Variants in SLC9A9 observed in about 807,000 individuals in gnomAD.
SLC9A9 encodes the protein sodium/hydrogen exchanger 9.
Under a neutral mutation model 77.8 loss-of-function variants are expected in SLC9A9, and 62 were observed. That is an observed-to-expected ratio of 0.80 (90% CI 0.65 to 0.98). The LOEUF (loss-of-function observed/expected upper bound fraction) is 0.98. Among genes scored for constraint, SLC9A9 ranks in the 50% least tolerant of loss-of-function variants. The pLI, the probability that SLC9A9 is intolerant of heterozygous loss-of-function variation, is 0.00. For missense variants in SLC9A9, 775 were observed against 774.9 expected (o/e 1.00, Z 0.00); for synonymous variants, 320 against 283.5 (o/e 1.13, Z -1.29).
At chr3:143,604,660 C>A (rs900687535) in intron 6 of SLC9A9, among the ~76,000 whole-genome samples, 18 of 152,126 alleles carry the variant, frequency 1.2e-4, no homozygotes, top group Admixed American at 9.2e-4. Flanking sequence ...AATTAATATG[C>A]CTCCGAGTAT....
intron 9 of SLC9A9, among the ~76,000 whole-genome samples, chr3:143,551,511 T>C (rs1047434970): frequency 6.6e-6 from 1 of 152,204 alleles, no homozygotes; most frequent in Non-Finnish European, 1.5e-5. Context: ...TGGCCTCAAA[T>C]GCCCTTGTGG....
chr3:143,578,321 G>T (rs889593202), intron 7 of SLC9A9, among the ~76,000 whole-genome samples: 4 of 152,096 alleles, frequency 2.6e-5, no homozygotes, highest in African/African-American at 9.7e-5. Flanking sequence ...TTTATTTAAG[G>T]CTGTTGATGT....
At chr3:143,580,654 G>C (rs567880607) in intron 6 of SLC9A9, among the ~76,000 whole-genome samples, 13 of 152,302 alleles carry the variant, frequency 8.5e-5, no homozygotes, top group African/African-American at 3.1e-4. Flanking sequence ...AAGTTCACCT[G>C]TATGTCACCT....
At chr3:143,438,489 C>A (rs548092843) in intron 12 of SLC9A9, among the ~76,000 whole-genome samples, 2 of 152,058 alleles carry the variant, frequency 1.3e-5, no homozygotes, top group Non-Finnish European at 2.9e-5. Flanking sequence ...GTGGGGGAAG[C>A]CTTCTCCCCA....
chr3:143,527,061 C>A (rs2036419607), intron 9 of SLC9A9, among the ~76,000 whole-genome samples: 2 of 152,174 alleles, frequency 1.3e-5, no homozygotes, highest in Admixed American at 6.5e-5. Flanking sequence ...TTCTGAAACA[C>A]CCTCTATGCA....
At chr3:143,749,451 T>C (rs1374012731) in intron 4 of SLC9A9, among the ~76,000 whole-genome samples, 1 of 152,198 alleles carries the variant, frequency 6.6e-6, no homozygotes, top group Non-Finnish European at 1.5e-5. Context: ...TCTGGATACT[T>C]GGTTGAAATT....
At chr3:143,506,827 G>A (rs2036026335) in intron 9 of SLC9A9, among the ~76,000 whole-genome samples, 3 of 151,858 alleles carry the variant, frequency 2.0e-5, no homozygotes, top group Admixed American at 2.0e-4. Context: ...GTTTCTCTGT[G>A]GTTTTGCCAA....
At chr3:143,478,811 G>A (rs534505214) in intron 11 of SLC9A9, among the ~76,000 whole-genome samples, 4 of 152,280 alleles carry the variant, frequency 2.6e-5, no homozygotes, top group East Asian at 3.9e-4. Context: ...CTAAGGTTTC[G>A]TCTACCCAAT....
chr3:143,501,878 T>C (rs1189319336), intron 9 of SLC9A9, among the ~76,000 whole-genome samples: 1 of 150,800 alleles, frequency 6.6e-6, no homozygotes, highest in Non-Finnish European at 1.5e-5. Context: ...GGAGAATCTA[T>C]ACAGCAAGGC....
At chr3:143,373,593 C>T (rs1308197693) in intron 13 of SLC9A9, among the ~76,000 whole-genome samples, 1 of 120,238 alleles carries the variant, frequency 8.3e-6, no homozygotes, top group African/African-American at 3.1e-5. Context: ...ATCCCCAAAG[C>T]CACTGAAATA....
chr3:143,426,970 G>A (rs987665772), intron 12 of SLC9A9, among the ~76,000 whole-genome samples: 3 of 152,166 alleles, frequency 2.0e-5, no homozygotes, highest in Admixed American at 6.5e-5. Flanking sequence ...TGACCCCAGA[G>A]CCCACACTTA....
intron 8 of SLC9A9, among the ~76,000 whole-genome samples, chr3:143,565,157 T>G (rs1363698063): frequency 6.6e-6 from 1 of 152,194 alleles, no homozygotes; most frequent in African/African-American, 2.4e-5. Context: ...TGTGTGGAAT[T>G]CTGAAGGTCC....
chr3:143,461,197 A>G (rs2035184796), intron 12 of SLC9A9, among the ~76,000 whole-genome samples: 2 of 152,184 alleles, frequency 1.3e-5, no homozygotes, highest in South Asian at 4.1e-4. Flanking sequence ...TTTAGAAAGA[A>G]TCTTTTTGAG....
chr3:143,657,591 C>A (rs1206331675), intron 5 of SLC9A9, among the ~76,000 whole-genome samples: 1 of 152,084 alleles, frequency 6.6e-6, no homozygotes, highest in Non-Finnish European at 1.5e-5. Context: ...CATTAGTGTA[C>A]AGTGGAATTT....
chr3:143,501,509 TA>T (rs1333119307), intron 9 of SLC9A9, among the ~76,000 whole-genome samples: 1 of 150,922 alleles, frequency 6.6e-6, no homozygotes, highest in Non-Finnish European at 1.5e-5. Context: ...TTAAGCATAG[TA>T]AAAATCTGCC....
At chr3:143,542,815 T>G (rs188935112) in intron 9 of SLC9A9, among the ~76,000 whole-genome samples, 12 of 152,346 alleles carry the variant, frequency 7.9e-5, no homozygotes, top group Admixed American at 6.5e-4. Flanking sequence ...ATCTAGCTCC[T>G]AAGTTCAAGG....
intron 9 of SLC9A9, among the ~76,000 whole-genome samples, chr3:143,551,038 G>A (rs191416986): frequency 2.0e-5 from 3 of 152,162 alleles, no homozygotes; most frequent in Admixed American, 2.0e-4. Context: ...GAGTATGGTA[G>A]CCCCTAACTC....
intron 4 of SLC9A9, among the ~76,000 whole-genome samples, chr3:143,715,805 G>A (rs758341676): frequency 1.3e-5 from 2 of 152,194 alleles, no homozygotes; most frequent in Non-Finnish European, 2.9e-5. Flanking sequence ...GGGCAGCATC[G>A]AGCGTCCTCT....
chr3:143,707,369 T>TACACACAC lies in SLC9A9; in HGVS notation c.534-14070_534-14063dup, dbSNP rs67386185. Among the ~76,000 whole-genome samples the TACACACAC allele has an allele frequency of 2.1e-3, 307 of 149,238 alleles. 2 individuals carry two copies. Among genetic ancestry groups the TACACACAC allele is most frequent in the African/African-American group, 5.4e-3 (220 of 40,408 alleles). On this transcript the variant is annotated intron_variant, in intron 4 of 15. Transcript: ENST00000316549. ...AGTACATTTTATATATTTTAAAATC[T>TACACACAC]ACACACACACACACACACACACACA...
Sources: allele counts gnomAD v4.1 joint callset (sites outside exome capture counted in the v4.1 genomes callset), GRCh38; gene constraint gnomAD v4.1.1; transcripts MANE v1.5; gene names NCBI Gene and HGNC (gene_info 2026-07-23, HGNC 2026-07-21).